The following NRL variants were observed in gnomAD, a reference collection of about 807,000 sequenced individuals.
NRL encodes the protein neural retina leucine zipper, also known as neural retina-specific leucine zipper protein.
A neutral mutation model predicts 12.5 loss-of-function variants in NRL; 16 were observed. That is an observed-to-expected ratio of 1.28 (90% confidence interval 0.87 to 1.95). The LOEUF is 1.95. Among genes scored for constraint, NRL ranks in the 30% most tolerant of loss-of-function variants. The probability of loss-of-function intolerance (pLI) is 0.00; values close to 1 mark genes in which losing one functional copy is unlikely to be tolerated. For synonymous variants in NRL, 142 were observed against 150.9 expected, an observed-to-expected ratio of 0.94 and a Z score of 0.43; for missense variants, 314 against 325.8, an observed-to-expected ratio of 0.96 and a Z score of 0.28.
intron 1 of NRL, among the ~76,000 whole-genome samples, chr14:24,096,315 T>G (rs911173712): frequency 6.7e-5 from 9 of 134,390 alleles, no homozygotes; most frequent in African/African-American, 2.5e-4. Context: ...CTCGGCTCAC[T>G]GCAACCTCCA....
At chr14:24,091,927 G>A (rs1017190504) in intron 1 of NRL, among the ~76,000 whole-genome samples, 3 of 152,098 alleles carry the variant, frequency 2.0e-5, no homozygotes, top group Non-Finnish European at 4.4e-5. Flanking sequence ...GGTCAAGTGC[G>A]GCATTTGACC....
rs201143735 is a variant in NRL at position 24,082,653 on chromosome 14, G to A, written c.196C>T (p.Arg66Trp). The A allele has an allele frequency of 2.7e-5, 44 of 1,614,032 alleles. No individual in the cohort carries two copies. The highest frequency in any genetic ancestry group is 1.1e-4 in the African/African-American group (8 of 75,058). ...PGMVGATEGT[R>W]PGLEELYWLA... ...CAGTACAGCTCCTCCAGGCCTGGCCGGGTGCCCTCGGTTGCCCCCACCATG... is the reference window on the plus strand; with the variant it reads ...CAGTACAGCTCCTCCAGGCCTGGCCAGGTGCCCTCGGTTGCCCCCACCATG... Residue 66 changes from arginine to tryptophan, a missense_variant, in exon 2 of 3, where the codon CGG (arginine) becomes TGG (tryptophan). Arg to Trp is a moderately radical substitution (Grantham distance 101). Transcript: ENST00000561028.
intron 1 of NRL, among the ~76,000 whole-genome samples, chr14:24,109,459 G>GGATTA (rs1199654508): frequency 6.6e-6 from 1 of 152,052 alleles, no homozygotes; most frequent in Non-Finnish European, 1.5e-5. Context: ...ACTTTGGGAG[G>GGATTA]CCTAGGTGGT....
Position 24,094,800 on chromosome 14 carries a change from A to G in NRL, c.-27-11925T>C, listed in dbSNP as rs2036785534. The stretch of plus-strand genomic sequence containing the variant: ...TCGGACCTCTAACGGGCTCTCAGCC[A>G]GCGCCCCAGGGTACTTCGAGAGGCA... On this transcript the variant is annotated intron_variant, in intron 1 of 2. Transcript: ENST00000561028. This position sits in a 1 kb window ranked among gnomAD's most constrained non-coding sequence, Gnocchi z 4.1. 7.4e-7 allele frequency: 1 copy of G among 1,357,390 alleles called. No individual in the cohort carries two copies. The highest frequency in any genetic ancestry group is 9.7e-7 in the Non-Finnish European group (1 of 1,033,338). The allele number at this position is 1,357,390 out of a possible 1,614,324, so 84.1% of individuals were successfully genotyped here.
chr14:24,105,995 A>G (rs564029785), intron 1 of NRL, among the ~76,000 whole-genome samples: 1 of 152,234 alleles, frequency 6.6e-6, no homozygotes, highest in Non-Finnish European at 1.5e-5. Context: ...TAAAATGCAG[A>G]TTGTCACTCA....
chr14:24,096,924 G>A, intron 1 of NRL: 3 of 1,613,364 alleles, frequency 1.9e-6, no homozygotes, highest in Non-Finnish European at 2.5e-6. Context: ...CCCTTGGGCT[G>A]GCCATCATGC....
chr14:24,111,427 G>A (rs2037417527), intron 1 of NRL, among the ~76,000 whole-genome samples: 1 of 152,180 alleles, frequency 6.6e-6, no homozygotes, highest in Non-Finnish European at 1.5e-5. Context: ...AGGCTGGAGT[G>A]CAGTGGCGTG....
intron 1 of NRL, among the ~76,000 whole-genome samples, chr14:24,108,941 G>A (rs1354715834): frequency 6.6e-6 from 1 of 152,208 alleles, no homozygotes; most frequent in Non-Finnish European, 1.5e-5. Flanking sequence ...GACAGGGTTA[G>A]CTAGAGAATG....
rs528211458 is a variant in NRL at position 24,085,560 on chromosome 14, G to A, written c.-27-2685C>T. ...TCCAAGGAGATGTTTAAACCTGTCC[G>A]AAGCTGTTTAAATAGGGTCTATGGA... On this transcript the variant is annotated intron_variant, in intron 1 of 2. Coordinates refer to ENST00000561028, the MANE Select transcript of NRL (RefSeq NM_001354768.3). The surrounding 1 kb of genome is among the most constrained non-coding windows in gnomAD (Gnocchi z 4.1). Among the ~76,000 whole-genome samples, 6 of 152,288 alleles carry A rather than the reference G, an allele frequency of 3.9e-5. No individual in the cohort carries two copies. Among genetic ancestry groups the A allele is most frequent in the South Asian group, 4.1e-4 (2 of 4,824 alleles).
chr14:24,102,560 C>T (rs2037203110), intron 1 of NRL: 3 of 591,852 alleles, frequency 5.1e-6, no homozygotes, highest in Admixed American at 5.7e-5. Context: ...GCTGGCCGCA[C>T]CTTCATGGCT....
chr14:24,088,964 C>CTA (rs1276794753), intron 1 of NRL, among the ~76,000 whole-genome samples: 1 of 152,040 alleles, frequency 6.6e-6, no homozygotes, highest in African/African-American at 2.4e-5. Context: ...CCATGCCTGG[C>CTA]TAATTTTTTT....
intron 1 of NRL, among the ~76,000 whole-genome samples, chr14:24,105,835 G>A (rs937566936): frequency 6.6e-5 from 10 of 152,186 alleles, no homozygotes; most frequent in South Asian, 2.1e-4. Flanking sequence ...AACTCAGGAG[G>A]CAGAGGTTGC....
At chr14:24,095,806 T>A (rs560446736) in intron 1 of NRL, among the ~76,000 whole-genome samples, 3 of 152,338 alleles carry the variant, frequency 2.0e-5, no homozygotes, top group Admixed American at 1.3e-4. Context: ...AACAGGACGC[T>A]GACCTCCTGA....
chr14:24,094,054 G>C lies in NRL; in HGVS notation c.-27-11179C>G. On this transcript the variant is annotated intron_variant, in intron 1 of 2. Transcript: ENST00000561028. The surrounding 1 kb of genome is among the most constrained non-coding windows in gnomAD (Gnocchi z 4.1). ...CTCAAAGTTACATCATGTGCGGCTG[G>C]GAGGGCGGTGGCGGATGGGGGGCGG... 1.9e-6 allele frequency: 1 copy of C among 538,550 alleles called. No homozygotes were observed. The highest frequency in any genetic ancestry group is 3.3e-6 in the Non-Finnish European group (1 of 307,316). 33.4% of individuals were successfully genotyped at this position (538,550 alleles called of 1,614,324 possible). A position where few individuals can be genotyped will look rare whatever the true frequency, so the allele number is the denominator to read the frequency against.
Position 24,103,524 on chromosome 14 carries a change from C to T in NRL, c.-28+11198G>A, listed in dbSNP as rs748953811. ...TTCCCCCCCAGGGAAGATCATCATG[C>T]ACGACCCATTTGCCATGCGGCCCTT... On this transcript the variant is annotated intron_variant, in intron 1 of 2. Coordinates refer to ENST00000561028, the MANE Select transcript of NRL (RefSeq NM_001354768.3). 6 of 1,554,318 alleles carry T rather than the reference C, an allele frequency of 3.9e-6. No homozygotes were observed. In the Admixed American group the frequency reaches 9.3e-5, roughly 24 times the overall value.
chr14:24,087,023 G>T (rs546946359), intron 1 of NRL, among the ~76,000 whole-genome samples: 1 of 152,326 alleles, frequency 6.6e-6, no homozygotes, highest in East Asian at 1.9e-4. Flanking sequence ...TGGGCTCAAG[G>T]ACATCTAGGG....
intron 1 of NRL, among the ~76,000 whole-genome samples, chr14:24,091,256 T>C (rs1261805818): frequency 6.6e-6 from 1 of 152,074 alleles, no homozygotes; most frequent in Non-Finnish European, 1.5e-5. Flanking sequence ...GTTCAAGCGA[T>C]TCTCCTGCCT....
chr14:24,097,618 C>G (rs2036953038), intron 1 of NRL, among the ~76,000 whole-genome samples: 1 of 147,982 alleles, frequency 6.8e-6, no homozygotes, highest in African/African-American at 2.5e-5. Flanking sequence ...GATGGAGTCT[C>G]ACTGTATCAC....
Position 24,094,477 on chromosome 14 carries a change from C to A in NRL, c.-27-11602G>T. The A allele has an allele frequency of 6.7e-7, 1 of 1,494,820 alleles. No individual in the cohort carries two copies. The highest frequency in any genetic ancestry group is 8.9e-7 in the Non-Finnish European group (1 of 1,129,440). 92.6% of individuals were successfully genotyped at this position (1,494,820 alleles called of 1,614,324 possible). A position where few individuals can be genotyped will look rare whatever the true frequency, so the allele number is the denominator to read the frequency against. On this transcript the variant is annotated intron_variant, in intron 1 of 2. Transcript: ENST00000561028. The surrounding 1 kb of genome is among the most constrained non-coding windows in gnomAD (Gnocchi z 4.1). ...CGGGGCCCACCCGCACCTTCCGCTGCGCTCGCCCCCTCGGGGCTGCCAGTG... is the reference window on the plus strand; with the variant it reads ...CGGGGCCCACCCGCACCTTCCGCTGAGCTCGCCCCCTCGGGGCTGCCAGTG...
Sources: gnomAD v4.1 joint callset for allele counts (sites outside exome capture counted in the v4.1 genomes callset) on GRCh38, gnomAD v4.1.1 for gene constraint, Gnocchi (gnomAD v3.1) non-coding constraint, MANE v1.5 for transcripts, NCBI Gene and HGNC (gene_info 2026-07-23, HGNC 2026-07-21) for gene names.